The following ATG4B variants were observed in gnomAD, a reference collection of about 807,000 sequenced individuals.
ATG4B encodes the protein cysteine protease ATG4B.
A neutral mutation model predicts 56.6 loss-of-function variants in ATG4B; 29 were observed. The observed-to-expected ratio is 0.51, with a 90% CI of 0.38 to 0.70. The LOEUF (loss-of-function observed/expected upper bound fraction) is 0.70, where lower values mean the gene tolerates loss of function less well. Ranked by LOEUF, ATG4B falls within the 30% of genes least tolerant of loss-of-function variation. The probability of loss-of-function intolerance (pLI) is 0.00; values close to 1 mark genes in which losing one functional copy is unlikely to be tolerated. For missense variants in ATG4B, 461 were observed against 515.5 expected (o/e 0.89, Z 1.02); for synonymous variants, 224 against 206.1 (o/e 1.09, Z -0.74).
rs1348478656 is a variant in ATG4B at position 241,668,958 on chromosome 2, G to A, written c.957+273G>A. The A allele has an allele frequency of 4.1e-6, 2 of 493,766 alleles. No individual in the cohort carries two copies. The highest frequency in any genetic ancestry group is 2.0e-5 in the African/African-American group (1 of 50,762). 30.6% of individuals were successfully genotyped at this position (493,766 alleles called of 1,614,324 possible). A position where few individuals can be genotyped will look rare whatever the true frequency, so the allele number is the denominator to read the frequency against. On this transcript the variant is annotated intron_variant, in intron 10 of 12. Transcript: ENST00000404914. The surrounding 1 kb of genome is among the most constrained non-coding windows in gnomAD (Gnocchi z 4.2). Reference sequence around the variant, plus strand: ...ATGTGAGCGTGTGTGGGCGCGTGCTGAGTGTGCATGGATGAGTGTGAGCCA... The same window carrying A: ...ATGTGAGCGTGTGTGGGCGCGTGCTAAGTGTGCATGGATGAGTGTGAGCCA...
At chr2:241,669,798 C>T (rs547744631) in intron 10 of ATG4B, among the ~76,000 whole-genome samples, 6 of 152,358 alleles carry the variant, frequency 3.9e-5, no homozygotes, top group African/African-American at 1.4e-4. Flanking sequence ...TGAGCCACTG[C>T]GCGCAGCCTG....
At chr2:241,664,463 G>A (rs1470905798) in intron 7 of ATG4B, among the ~76,000 whole-genome samples, 1 of 152,156 alleles carries the variant, frequency 6.6e-6, no homozygotes, top group Non-Finnish European at 1.5e-5. Context: ...CCATGAGCCT[G>A]GGAGGTTGAG....
chr2:241,642,768 A>G (rs954236005), intron 1 of ATG4B, among the ~76,000 whole-genome samples: 3 of 147,406 alleles, frequency 2.0e-5, no homozygotes, highest in African/African-American at 2.5e-5. Context: ...CAGAAGTCCC[A>G]GGGAAGAGGG....
chr2:241,652,757 A>G (rs928744871), intron 3 of ATG4B, among the ~76,000 whole-genome samples: 2 of 152,160 alleles, frequency 1.3e-5, no homozygotes, highest in Non-Finnish European at 2.9e-5. Context: ...GACGGCCACC[A>G]CTACCCCAAG....
At chr2:241,663,841 T>C (rs1405704533) in intron 7 of ATG4B, among the ~76,000 whole-genome samples, 4 of 149,872 alleles carry the variant, frequency 2.7e-5, no homozygotes, top group Non-Finnish European at 5.9e-5. Context: ...ACAGTTCTGC[T>C]CTGTCGCCAG....
At chr2:241,652,746 T>C (rs775296519) in intron 3 of ATG4B, among the ~76,000 whole-genome samples, 4 of 152,118 alleles carry the variant, frequency 2.6e-5, no homozygotes, top group Non-Finnish European at 4.4e-5. Flanking sequence ...TGTTGGTGGG[T>C]GACGGCCACC....
intron 1 of ATG4B, among the ~76,000 whole-genome samples, chr2:241,643,615 TATATATACACATAA>T (rs1215439728): frequency 8.0e-5 from 12 of 149,398 alleles, no homozygotes; most frequent in Admixed American, 7.4e-4. Flanking sequence ...TATATATACG[TATATATACACATAA>T]ATATATACAC....
chr2:241,668,767 C>CT lies in ATG4B; in HGVS notation c.957+82_957+83insT. 6.9e-7 allele frequency: 1 copy of CT among 1,442,398 alleles called. No individual in the cohort carries two copies. 89.3% of individuals were successfully genotyped at this position (1,442,398 alleles called of 1,614,324 possible). ...GACGAGGAAAACTTTCGGATTTTTG[C>CT]GTTTTTTTTTTCAGCATGTTGGGAT... On this transcript the variant is annotated intron_variant, in intron 10 of 12. Transcript: ENST00000404914. This position sits in a 1 kb window ranked among gnomAD's most constrained non-coding sequence, Gnocchi z 4.2.
At position 241,666,761 on chromosome 2, in the gene ATG4B, T is replaced by C. The variant is rs1413910746; in HGVS notation, c.655T>C (p.Trp219Arg). 3 of 1,600,752 alleles carry C rather than the reference T, an allele frequency of 1.9e-6. No individual in the cohort carries two copies. Among genetic ancestry groups the C allele is most frequent in the Non-Finnish European group, 2.6e-6 (3 of 1,173,678 alleles). ...TGAGGTCACCAACAGGCCGTCGCCA[T>C]GGAGACCCCTGGTACTTCTCATTCC... is the stretch of plus-strand genomic sequence containing the variant. Reference protein sequence around the residue: ...GAEVTNRPSPWRPLVLLIPLR... With the variant: ...GAEVTNRPSPRRPLVLLIPLR... Residue 219 changes from tryptophan to arginine, a missense_variant, in exon 8 of 13, where the codon TGG (tryptophan) becomes CGG (arginine). Transcript: ENST00000404914.
rs1020732077 is a variant in ATG4B, at chr2:241,672,321, G to C, written c.*57G>C. On this transcript the variant is annotated 3_prime_UTR_variant, in exon 13 of 13. Coordinates refer to ENST00000404914, the MANE Select transcript of ATG4B (RefSeq NM_013325.5). ...AGCCTGGGGCTCCTGGTGCCGCTGCGTTTCATCCATCCCGCCCGCTCGCCT... is the reference window on the plus strand; with the variant it reads ...AGCCTGGGGCTCCTGGTGCCGCTGCCTTTCATCCATCCCGCCCGCTCGCCT... 5 of 1,454,800 alleles carry C rather than the reference G, an allele frequency of 3.4e-6. No homozygotes were observed. The highest frequency in any genetic ancestry group is 3.8e-6 in the Non-Finnish European group (4 of 1,060,394). 90.1% of individuals were successfully genotyped at this position (1,454,800 alleles called of 1,614,324 possible). A position where few individuals can be genotyped will look rare whatever the true frequency, so the allele number is the denominator to read the frequency against.
chr2:241,657,119 G>A (rs2068430762), intron 6 of ATG4B, among the ~76,000 whole-genome samples: 1 of 150,976 alleles, frequency 6.6e-6, no homozygotes, highest in Admixed American at 6.6e-5. Flanking sequence ...GGAATTACAG[G>A]CACCCGCCAC....
intron 6 of ATG4B, among the ~76,000 whole-genome samples, chr2:241,655,794 T>C (rs1456045068): frequency 6.6e-6 from 1 of 152,194 alleles, no homozygotes; most frequent in African/African-American, 2.4e-5. Context: ...GAAAGTGTGC[T>C]CTGCACCTGC....
intron 7 of ATG4B, chr2:241,659,497 T>C (rs2068525278): frequency 2.5e-6 from 1 of 408,142 alleles, no homozygotes; most frequent in African/African-American, 2.1e-5. Flanking sequence ...CGTGTGGGAA[T>C]TCTGGTGAAG....
intron 5 of ATG4B, chr2:241,655,062 T>A: frequency 1.7e-6 from 1 of 597,424 alleles, no homozygotes; most frequent in East Asian, 2.8e-5. Context: ...TCATTTCCCC[T>A]CCTTTTCTAA....
chr2:241,667,552 C>A (rs1044375848), intron 8 of ATG4B, among the ~76,000 whole-genome samples: 1 of 150,860 alleles, frequency 6.6e-6, no homozygotes, highest in Non-Finnish European at 1.5e-5. Flanking sequence ...TGCAGTGACC[C>A]GAGATCATGC....
chr2:241,659,866 G>A (rs1322937770), intron 7 of ATG4B: 1 of 162,086 alleles, frequency 6.2e-6, no homozygotes, highest in Non-Finnish European at 1.4e-5. Flanking sequence ...CTACATGTAG[G>A]CTATTGCCTT....
In ATG4B at chr2:241,671,230, G is replaced by A. The variant is rs569665203; in HGVS notation, c.1015-82G>A. On this transcript the variant is annotated intron_variant, in intron 11 of 12. Coordinates refer to ENST00000404914, the MANE Select transcript of ATG4B (RefSeq NM_013325.5). The stretch of plus-strand genomic sequence containing the variant: ...GATGGGATGACAGGTTTGTCCGCTG[G>A]CTGTGGCCGGCTGGCCCCTTTCTCT... 6.1e-3 allele frequency: 7,554 copies of A among 1,245,556 alleles called. 32 individuals are homozygous for A. Among genetic ancestry groups the A allele is most frequent in the Non-Finnish European group, 7.9e-3 (6,930 of 874,504 alleles). The allele number at this position is 1,245,556 out of a possible 1,614,324, so 77.2% of individuals were successfully genotyped here.
intron 7 of ATG4B, among the ~76,000 whole-genome samples, chr2:241,663,525 C>T (rs781746572): frequency 2.0e-5 from 3 of 152,174 alleles, no homozygotes; most frequent in Non-Finnish European, 4.4e-5. Flanking sequence ...GTACAGAACT[C>T]AGAAGAAAAC....
chr2:241,645,426 T>C (rs768937078), intron 1 of ATG4B, among the ~76,000 whole-genome samples: 25 of 152,230 alleles, frequency 1.6e-4, no homozygotes, highest in Non-Finnish European at 2.8e-4. Flanking sequence ...GACCTTGTAC[T>C]CTGTGCTGCA....
Sources: allele counts gnomAD v4.1 joint callset (sites outside exome capture counted in the v4.1 genomes callset), GRCh38; gene constraint gnomAD v4.1.1; non-coding constraint Gnocchi (gnomAD v3.1); transcripts MANE v1.5; gene names NCBI Gene and HGNC (gene_info 2026-07-23, HGNC 2026-07-21).